EYS: variants seen among roughly 807,000 people sequenced by gnomAD.
The protein encoded by EYS is protein eyes shut homolog.
A neutral mutation model predicts 282.1 loss-of-function variants in EYS; 250 were observed. That is an observed-to-expected ratio of 0.89 (90% CI 0.80 to 0.98). The LOEUF is 0.98. Ranked by LOEUF, EYS falls within the 50% of genes least tolerant of loss-of-function variation. The pLI is 0.00. For synonymous variants in EYS, 1,355 were observed against 1,282.9 expected, an observed-to-expected ratio of 1.06 and a Z score of -1.20; for missense variants, 4,016 against 3,709.0, an observed-to-expected ratio of 1.08 and a Z score of -2.15.
At chr6:65,054,723 C>A (rs1339265513) in intron 13 of EYS, among the ~76,000 whole-genome samples, 2 of 151,870 alleles carry the variant, frequency 1.3e-5, no homozygotes, top group Non-Finnish European at 2.9e-5. Context: ...AATAATTTAA[C>A]CTTGTTTTTG....
At chr6:64,577,487 T>TAC (rs899956662) in intron 26 of EYS, among the ~76,000 whole-genome samples, 16 of 149,944 alleles carry the variant, frequency 1.1e-4, no homozygotes, top group African/African-American at 2.4e-4. Flanking sequence ...AAATGCACCC[T>TAC]ACACACACAC....
chr6:64,871,121 C>T (rs908320897), intron 19 of EYS, among the ~76,000 whole-genome samples: 11 of 151,872 alleles, frequency 7.2e-5, no homozygotes, highest in African/African-American at 1.4e-4. Flanking sequence ...TAAGTTTCTA[C>T]GATTTTTCTG....
intron 28 of EYS, among the ~76,000 whole-genome samples, chr6:64,390,220 C>T (rs533437035): frequency 4.6e-5 from 7 of 152,266 alleles, no homozygotes; most frequent in African/African-American, 1.7e-4. Flanking sequence ...ATTGCCCAGG[C>T]TTGATTAGGT....
intron 31 of EYS, among the ~76,000 whole-genome samples, chr6:64,103,821 G>A (rs1394583233): frequency 6.6e-6 from 1 of 152,088 alleles, no homozygotes; most frequent in African/African-American, 2.4e-5. Flanking sequence ...GAGGAAATCA[G>A]GATCAAATTA....
intron 22 of EYS, among the ~76,000 whole-genome samples, chr6:64,756,490 T>C (rs2149974444): frequency 6.6e-6 from 1 of 152,282 alleles, no homozygotes; most frequent in Non-Finnish European, 1.5e-5. Context: ...AGATATAAGA[T>C]TATTTCCTCA....
At chr6:64,265,140 T>C (rs1339321540) in intron 30 of EYS, among the ~76,000 whole-genome samples, 3 of 152,156 alleles carry the variant, frequency 2.0e-5, no homozygotes, top group Non-Finnish European at 4.4e-5. Context: ...CTTTTTCTTA[T>C]TTTTTATTAC....
chr6:65,582,672 T>C (rs771065753), intron 2 of EYS, among the ~76,000 whole-genome samples: 40 of 152,112 alleles, frequency 2.6e-4, no homozygotes, highest in Admixed American at 4.6e-4. Context: ...CACACCATCA[T>C]GATTCTACAG....
intron 31 of EYS, among the ~76,000 whole-genome samples, chr6:64,173,592 AG>A (rs1307309610): frequency 6.6e-6 from 1 of 152,254 alleles, no homozygotes; most frequent in East Asian, 1.9e-4. Flanking sequence ...ATTTTTGTAA[AG>A]GCCACTCATA....
intron 35 of EYS, among the ~76,000 whole-genome samples, chr6:63,872,292 C>T (rs1042030953): frequency 8.6e-5 from 13 of 151,800 alleles, no homozygotes; most frequent in African/African-American, 1.7e-4. Context: ...CACTCTCCAT[C>T]GTGCTCTGCA....
At chr6:64,636,618 C>A (rs895571250) in intron 22 of EYS, among the ~76,000 whole-genome samples, 15 of 152,028 alleles carry the variant, frequency 9.9e-5, no homozygotes, top group Non-Finnish European at 1.9e-4. Flanking sequence ...AGAGCTTCTG[C>A]ACAGCAAAAG....
intron 12 of EYS, among the ~76,000 whole-genome samples, chr6:65,267,342 G>A (rs929970016): frequency 8.6e-5 from 13 of 151,600 alleles, no homozygotes; most frequent in African/African-American, 2.9e-4. Flanking sequence ...ATGACTAATC[G>A]CATGAAAAAG....
At chr6:63,796,227 C>A (rs748647842) in intron 37 of EYS, among the ~76,000 whole-genome samples, 3 of 152,124 alleles carry the variant, frequency 2.0e-5, no homozygotes, top group South Asian at 2.1e-4. Flanking sequence ...GTGCTTAGGG[C>A]GTACCCCAGA....
chr6:64,457,999 T>G (rs1387760417), intron 26 of EYS, among the ~76,000 whole-genome samples: 1 of 152,000 alleles, frequency 6.6e-6, no homozygotes, highest in Non-Finnish European at 1.5e-5. Context: ...AAAAAAATTT[T>G]GTAGTTATAA....
At chr6:64,390,040 C>T (rs1196487546) in intron 28 of EYS, among the ~76,000 whole-genome samples, 1 of 151,064 alleles carries the variant, frequency 6.6e-6, no homozygotes, top group Non-Finnish European at 1.5e-5. Context: ...CGGGTCACTC[C>T]CACCCGAATA....
At chr6:65,234,722 A>G (rs1314403443) in intron 12 of EYS, among the ~76,000 whole-genome samples, 3 of 152,168 alleles carry the variant, frequency 2.0e-5, no homozygotes, top group Non-Finnish European at 2.9e-5. Context: ...TACTATTTAT[A>G]TTGTCAGTTA....
chr6:64,012,884 C>T (rs972511217), intron 33 of EYS, among the ~76,000 whole-genome samples: 7 of 152,082 alleles, frequency 4.6e-5, no homozygotes, highest in Admixed American at 1.3e-4. Context: ...TTGCTTAGAT[C>T]GTCACAGAGT....
intron 2 of EYS, among the ~76,000 whole-genome samples, chr6:65,639,459 AT>A (rs1268411843): frequency 6.6e-6 from 1 of 152,128 alleles, no homozygotes; most frequent in African/African-American, 2.4e-5. Flanking sequence ...ATAATGGATT[AT>A]TTAAATGCAT....
At chr6:64,668,633 C>T (rs371799934) in intron 22 of EYS, among the ~76,000 whole-genome samples, 27 of 146,732 alleles carry the variant, frequency 1.8e-4, no homozygotes, top group African/African-American at 4.5e-4. Context: ...CACGCAATCT[C>T]GGCTCACCGC....
intron 22 of EYS, among the ~76,000 whole-genome samples, chr6:64,806,980 G>A (rs1205202154): frequency 6.6e-6 from 1 of 152,104 alleles, no homozygotes; most frequent in African/African-American, 2.4e-5. Flanking sequence ...TGCTGTGTGA[G>A]TCTAATTTGA....
Sources: gnomAD v4.1 joint callset for allele counts (sites outside exome capture counted in the v4.1 genomes callset) on GRCh38, gnomAD v4.1.1 for gene constraint, MANE v1.5 for transcripts, NCBI Gene and HGNC (gene_info 2026-07-23, HGNC 2026-07-21) for gene names.